GLT1D1: variants seen among roughly 807,000 people sequenced by gnomAD.
GLT1D1 encodes the protein glycosyltransferase 1 domain containing 1.
In GLT1D1, 21 loss-of-function variants were observed where a neutral mutation model predicts 28.7. That is an observed-to-expected ratio of 0.73 (90% confidence interval 0.52 to 1.05). The LOEUF (loss-of-function observed/expected upper bound fraction) is 1.05, where lower values mean the gene tolerates loss of function less well. Ranked by LOEUF, GLT1D1 falls within the 50% of genes least tolerant of loss-of-function variation. The pLI, the probability that GLT1D1 is intolerant of heterozygous loss-of-function variation, is 0.00. For synonymous variants in GLT1D1, 147 were observed against 124.8 expected, an observed-to-expected ratio of 1.18 and a Z score of -1.19; for missense variants, 343 against 330.6, an observed-to-expected ratio of 1.04 and a Z score of -0.29.
intron 1 of GLT1D1, among the ~76,000 whole-genome samples, chr12:128,866,580 A>C (rs1593051913): frequency 4.8e-5 from 6 of 125,964 alleles, no homozygotes; most frequent in South Asian, 2.6e-4. Flanking sequence ...CTTTTCCCCC[A>C]CAGTATCCAC....
At chr12:128,900,138 C>A (rs1870082137) in intron 4 of GLT1D1, among the ~76,000 whole-genome samples, 1 of 152,150 alleles carries the variant, frequency 6.6e-6, no homozygotes. Context: ...GAGCTGGTGC[C>A]TGCAAAACTA....
intron 3 of GLT1D1, among the ~76,000 whole-genome samples, chr12:128,889,498 A>G (rs73440309): frequency 0.075 from 11,482 of 152,192 alleles, 894 homozygotes; most frequent in African/African-American, 0.2. Flanking sequence ...GATCATGGGC[A>G]GCAGCCTCCA....
intron 4 of GLT1D1, among the ~76,000 whole-genome samples, chr12:128,922,858 G>A (rs111449231): frequency 2.0e-4 from 29 of 148,370 alleles, no homozygotes; most frequent in African/African-American, 6.5e-4. Context: ...AAGAGGCAGA[G>A]GTTGCAGTGA....
At chr12:128,936,844 A>G (rs1296440035) in intron 4 of GLT1D1, among the ~76,000 whole-genome samples, 24 of 152,224 alleles carry the variant, frequency 1.6e-4, no homozygotes, top group Admixed American at 1.6e-3. Flanking sequence ...TTAAAATTTC[A>G]TGACATGTGC....
chr12:128,939,849 C>CCG (rs1360168302), intron 4 of GLT1D1, among the ~76,000 whole-genome samples: 1 of 140,220 alleles, frequency 7.1e-6, no homozygotes, highest in African/African-American at 2.6e-5. Flanking sequence ...CCCCCCCCAC[C>CCG]GCCGATCCAA....
At chr12:128,943,039 G>A (rs549425519) in intron 4 of GLT1D1, among the ~76,000 whole-genome samples, 15 of 152,232 alleles carry the variant, frequency 9.9e-5, no homozygotes, top group African/African-American at 2.9e-4. Context: ...GAGCCACCAC[G>A]CCCGGCCTAG....
intron 4 of GLT1D1, chr12:128,926,365 A>T (rs1352050904): frequency 6.6e-7 from 1 of 1,510,628 alleles, no homozygotes; most frequent in Non-Finnish European, 8.9e-7. Context: ...ACAGAGATTA[A>T]CCAAAGTGCT....
At chr12:128,904,719 C>T (rs1019163212) in intron 4 of GLT1D1, among the ~76,000 whole-genome samples, 2 of 150,270 alleles carry the variant, frequency 1.3e-5, no homozygotes, top group African/African-American at 5.0e-5. Context: ...CCGCAACCTG[C>T]GGCTCCCGGA....
intron 7 of GLT1D1, among the ~76,000 whole-genome samples, chr12:128,969,501 G>T (rs1203611772): frequency 3.3e-5 from 5 of 152,202 alleles, no homozygotes; most frequent in African/African-American, 1.2e-4. Context: ...TTTGCCCCGA[G>T]CTGGGTGTGC....
intron 4 of GLT1D1, among the ~76,000 whole-genome samples, chr12:128,908,346 C>CTTTCTTTCTTTCTTTG: frequency 8.6e-6 from 1 of 116,862 alleles, no homozygotes; most frequent in South Asian, 2.9e-4. Context: ...TTCTTTCTTT[C>CTTTCTTTCTTTCTTTG]CCTTTCTTTC....
At chr12:128,895,198 G>A (rs1869488045) in intron 3 of GLT1D1, among the ~76,000 whole-genome samples, 1 of 151,890 alleles carries the variant, frequency 6.6e-6, no homozygotes, top group Admixed American at 6.6e-5. Flanking sequence ...ATATTATTTA[G>A]AAACTAAGAT....
At chr12:128,944,521 G>T in intron 4 of GLT1D1, 2 of 937,510 alleles carry the variant, frequency 2.1e-6, no homozygotes, top group Non-Finnish European at 1.7e-6. Context: ...AGTTGTGGGA[G>T]GGTTGAATCC....
chr12:128,929,936 A>AC (rs1457655680), intron 4 of GLT1D1, among the ~76,000 whole-genome samples: 2 of 152,242 alleles, frequency 1.3e-5, no homozygotes, highest in Non-Finnish European at 2.9e-5. Flanking sequence ...AGATTGCGCC[A>AC]CTGCACTCCA....
intron 3 of GLT1D1, among the ~76,000 whole-genome samples, chr12:128,897,722 G>T (rs186815571): frequency 1.7e-3 from 251 of 152,046 alleles, no homozygotes; most frequent in African/African-American, 5.8e-3. Context: ...AGGCTGGAGT[G>T]CAGTGGCACG....
chr12:128,975,612 G>A (rs1282699603), intron 7 of GLT1D1, among the ~76,000 whole-genome samples: 1 of 152,092 alleles, frequency 6.6e-6, no homozygotes, highest in Non-Finnish European at 1.5e-5. Context: ...CACCACGCCA[G>A]GCTGATTTTT....
intron 4 of GLT1D1, among the ~76,000 whole-genome samples, chr12:128,903,975 C>T (rs560574944): frequency 4.6e-5 from 7 of 151,934 alleles, no homozygotes; most frequent in Admixed American, 6.6e-5. Flanking sequence ...GTGATCCGCC[C>T]GCCTTGGCCT....
chr12:128,871,851 A>T (rs920938474), intron 1 of GLT1D1, among the ~76,000 whole-genome samples: 4 of 152,186 alleles, frequency 2.6e-5, no homozygotes, highest in Admixed American at 1.3e-4. Context: ...ATTACAAAAG[A>T]AAAAAGGGCT....
intron 4 of GLT1D1, among the ~76,000 whole-genome samples, chr12:128,935,285 G>A (rs990738417): frequency 7.9e-5 from 12 of 152,116 alleles, no homozygotes; most frequent in Admixed American, 7.2e-4. Context: ...GGTGGCTCAC[G>A]TCTGTAATCC....
intron 1 of GLT1D1, among the ~76,000 whole-genome samples, chr12:128,874,068 CTTTCTTTCTTT>C (rs1566090856): frequency 0.015 from 281 of 18,388 alleles, 3 homozygotes; most frequent in African/African-American, 0.082. Context: ...TCCTTTCTTT[CTTTCTTTCTTT>C]CTTTCTTTCT....
Sources: gnomAD v4.1 joint callset for allele counts (sites outside exome capture counted in the v4.1 genomes callset) on GRCh38, gnomAD v4.1.1 for gene constraint, MANE v1.5 for transcripts, NCBI Gene and HGNC (gene_info 2026-07-23, HGNC 2026-07-21) for gene names.